The following KMT2C variants were observed in gnomAD, a reference collection of about 807,000 sequenced individuals.
KMT2C encodes lysine methyltransferase 2C, also known as histone-lysine N-methyltransferase 2C.
KMT2C carries 88 observed loss-of-function variants against 507.9 expected under a neutral mutation model. The observed-to-expected ratio is 0.17, with a 90% CI of 0.15 to 0.21. KMT2C has a LOEUF of 0.21. Among genes scored for constraint, KMT2C ranks in the 10% least tolerant of loss-of-function variants. The pLI is 1.00. For synonymous variants in KMT2C, 2,049 were observed against 2,080.8 expected (o/e 0.98, Z 0.42); for missense variants, 4,954 against 5,957.8 (o/e 0.83, Z 5.55).
At chr7:152,196,315 A>G (rs1463405433) in intron 27 of KMT2C, among the ~76,000 whole-genome samples, 2 of 152,214 alleles carry the variant, frequency 1.3e-5, no homozygotes, top group African/African-American at 4.8e-5. Flanking sequence ...AAGAAAAAAA[A>G]GTTTTTCATT....
chr7:152,333,387 A>C (rs1440971081), intron 2 of KMT2C, among the ~76,000 whole-genome samples: 1 of 152,190 alleles, frequency 6.6e-6, no homozygotes, highest in Non-Finnish European at 1.5e-5. Context: ...TTGGCCTCCC[A>C]AAGTGCCAAG....
intron 39 of KMT2C, among the ~76,000 whole-genome samples, chr7:152,173,269 T>C (rs185260580): frequency 1.1e-4 from 16 of 152,322 alleles, no homozygotes; most frequent in African/African-American, 3.4e-4. Context: ...TATTCAATTC[T>C]ATAATCATCC....
rs1000200932 is a variant in KMT2C, at chr7:152,163,242, C to T, written c.10335G>A (p.Arg3445=). 3 of 1,614,140 alleles carry T rather than the reference C, an allele frequency of 1.9e-6. No individual in the cohort carries two copies. The highest frequency in any genetic ancestry group is 2.5e-6 in the Non-Finnish European group (3 of 1,180,026). The change falls in exon 43 of 59, where the codon AGG becomes AGA. Residue 3445 remains arginine (R), a synonymous_variant. Coordinates refer to ENST00000262189, the MANE Select transcript of KMT2C (RefSeq NM_170606.3). ...AGAAGGGAATCTGGGACACAGATGT[C>T]CTACTACTACTTATCTCAGAGCCCA... ...GMVGSEISSS[R]TSVSQIPFYS...
At chr7:152,431,904 A>C (rs2097865649) in intron 1 of KMT2C, among the ~76,000 whole-genome samples, 1 of 152,238 alleles carries the variant, frequency 6.6e-6, no homozygotes, top group South Asian at 2.1e-4. Flanking sequence ...AATGGTATAT[A>C]TTGTAATGCA....
intron 26 of KMT2C, among the ~76,000 whole-genome samples, chr7:152,202,166 A>G (rs1487584424): frequency 1.3e-5 from 2 of 152,226 alleles, no homozygotes; most frequent in African/African-American, 2.4e-5. Context: ...GTTGTCTACA[A>G]TGAAATGAGG....
chr7:152,390,218 ATTT>A (rs914152031), intron 1 of KMT2C, among the ~76,000 whole-genome samples: 2 of 28,964 alleles, frequency 6.9e-5, no homozygotes, highest in East Asian at 5.4e-4. Flanking sequence ...AATAAAATAA[ATTT>A]TTTTTTAAAT....
At chr7:152,170,264 TGAG>T (rs2092903847) in intron 40 of KMT2C, among the ~76,000 whole-genome samples, 1 of 151,864 alleles carries the variant, frequency 6.6e-6, no homozygotes, top group Non-Finnish European at 1.5e-5. Flanking sequence ...CTTTTAATAA[TGAG>T]AAGAATATAA....
At chr7:152,251,452 A>G (rs1298466822) in intron 11 of KMT2C, among the ~76,000 whole-genome samples, 2 of 152,230 alleles carry the variant, frequency 1.3e-5, no homozygotes, top group Non-Finnish European at 2.9e-5. Context: ...ATGAAAATGA[A>G]AAACAATCTG....
intron 1 of KMT2C, among the ~76,000 whole-genome samples, chr7:152,375,852 G>C (rs1422803176): frequency 2.0e-5 from 3 of 150,934 alleles, no homozygotes; most frequent in Non-Finnish European, 4.4e-5. Flanking sequence ...GTTGAGAAAG[G>C]GTCTTGTTCT....
chr7:152,184,989 C>T (rs2093578338), intron 34 of KMT2C, among the ~76,000 whole-genome samples: 1 of 152,142 alleles, frequency 6.6e-6, no homozygotes, highest in Non-Finnish European at 1.5e-5. Flanking sequence ...CTCCTGGGCT[C>T]AAAGCCATCT....
chr7:152,395,362 C>T (rs372577125), intron 1 of KMT2C, among the ~76,000 whole-genome samples: 9 of 151,934 alleles, frequency 5.9e-5, no homozygotes, highest in South Asian at 4.1e-4. Flanking sequence ...CTTTCCCCCC[C>T]CCAGTTAGAG....
chr7:152,283,658 C>T (rs893992489), intron 6 of KMT2C, among the ~76,000 whole-genome samples: 25 of 152,176 alleles, frequency 1.6e-4, no homozygotes, highest in African/African-American at 3.4e-4. Context: ...ATAAGGTGAA[C>T]CAGATTCTGG....
chr7:152,200,323 T>A (rs2094096400), intron 26 of KMT2C, among the ~76,000 whole-genome samples: 1 of 152,142 alleles, frequency 6.6e-6, no homozygotes, highest in African/African-American at 2.4e-5. Context: ...TTATAGACAC[T>A]TATATTACAA....
At chr7:152,172,891 G>A (rs529517807) in intron 39 of KMT2C, among the ~76,000 whole-genome samples, 15 of 151,974 alleles carry the variant, frequency 9.9e-5, no homozygotes, top group Non-Finnish European at 2.1e-4. Flanking sequence ...TGCTAAATTT[G>A]TTAATACTTT....
chr7:152,225,754 A>T (rs2094909780), intron 18 of KMT2C, among the ~76,000 whole-genome samples: 1 of 152,248 alleles, frequency 6.6e-6, no homozygotes, highest in African/African-American at 2.4e-5. Flanking sequence ...GAGCAGGAGA[A>T]GGGAATGTCT....
rs2092491509 is a variant in KMT2C, at chr7:152,162,191, C to T, written c.11386G>A (p.Gly3796Ser). Residue 3796 changes from glycine (G) to serine (S), a missense_variant, in exon 43 of 59, where the codon GGC becomes AGC. Around this residue, in one of 29 missense-constraint regions of KMT2C, gnomAD observed 801 missense variants for 751.2 expected, o/e 1.07. Transcript: ENST00000262189. ...CAGTCATCTTCTGAACAAATACTGCCCTCAGGTTTTTGATTCAAAAGAGAA... is the reference window on the plus strand; with the variant it reads ...CAGTCATCTTCTGAACAAATACTGCTCTCAGGTTTTTGATTCAAAAGAGAA... Reference protein sequence around the residue: ...SSSLLNQKPEGSICSEDDCTK... With the variant: ...SSSLLNQKPESSICSEDDCTK... 6.2e-7 allele frequency: 1 copy of T among 1,613,124 alleles called. No homozygotes were observed. Among genetic ancestry groups the T allele is most frequent in the South Asian group, 1.1e-5 (1 of 90,976 alleles).
chr7:152,187,240 A>G (rs1284101481), intron 33 of KMT2C, 22 bp downstream of exon 33: 2 of 1,591,230 alleles, frequency 1.3e-6, no homozygotes, highest in Admixed American at 1.7e-5. Context: ...GGTAAAACAG[A>G]AATAATATAT....
At chr7:152,234,537 T>C (rs1250845982) in intron 16 of KMT2C, among the ~76,000 whole-genome samples, 1 of 152,142 alleles carries the variant, frequency 6.6e-6, no homozygotes, top group Non-Finnish European at 1.5e-5. Flanking sequence ...GAGGAGAATA[T>C]ACTTCCTGAT....
chr7:152,417,442 A>ACC (rs1260207532), intron 1 of KMT2C, among the ~76,000 whole-genome samples: 2 of 151,816 alleles, frequency 1.3e-5, no homozygotes, highest in Non-Finnish European at 2.9e-5. Context: ...TAACACATAT[A>ACC]CCCTCTTTAA....
Sources: gnomAD v4.1 joint callset for allele counts (sites outside exome capture counted in the v4.1 genomes callset) on GRCh38, gnomAD v4.1.1 for gene constraint, gnomAD v4.1.1 regional missense constraint, MANE v1.5 for transcripts, NCBI Gene and HGNC (gene_info 2026-07-23, HGNC 2026-07-21) for gene names.